SEPTIN10: variants seen among roughly 807,000 people sequenced by gnomAD.
The protein encoded by SEPTIN10 is septin-10.
SEPTIN10 carries 66 observed loss-of-function variants against 54.8 expected under a neutral mutation model. The ratio of observed to expected loss-of-function variants is 1.21; its 90% CI spans 0.99 to 1.48. SEPTIN10 has a LOEUF of 1.48. Ranked by LOEUF, SEPTIN10 falls within the 40% of genes most tolerant of loss-of-function variation. The pLI is 0.00. For synonymous variants in SEPTIN10, 161 were observed against 181.0 expected, an observed-to-expected ratio of 0.89 and a Z score of 0.89; for missense variants, 620 against 545.6, an observed-to-expected ratio of 1.14 and a Z score of -1.36.
At chr2:109,596,302 A>G (rs939691747) in intron 1 of SEPTIN10, among the ~76,000 whole-genome samples, 1 of 152,172 alleles carries the variant, frequency 6.6e-6, no homozygotes, top group Non-Finnish European at 1.5e-5. Flanking sequence ...GTTGATAAGT[A>G]AAATTTGCTT....
chr2:109,543,220 A>G lies in SEPTIN10; in HGVS notation c.*1089T>C, dbSNP rs1353873534. 3.3e-5 allele frequency: 5 copies of G among 152,750 alleles called. No individual in the cohort carries two copies. Among genetic ancestry groups the G allele is most frequent in the Non-Finnish European group, 7.4e-5 (5 of 68,012 alleles). 9.5% of individuals were successfully genotyped at this position (152,750 alleles called of 1,614,324 possible). On this transcript the variant is annotated 3_prime_UTR_variant, in exon 11 of 11. Coordinates refer to ENST00000397712, the MANE Select transcript of SEPTIN10 (RefSeq NM_144710.5). ...AGTTATTTTCTTAAAAAGTATTTTT[A>G]ATAAAATGATTCAACCTTATTATTT... is the stretch of plus-strand genomic sequence containing the variant.
At chr2:109,564,223 C>T (rs1045813134) in intron 8 of SEPTIN10, 143 bp downstream of exon 8, 9 of 706,526 alleles carry the variant, frequency 1.3e-5, no homozygotes, top group Non-Finnish European at 1.8e-5. Flanking sequence ...TCAAGAAGCA[C>T]AATAATTAGT....
At chr2:109,545,667 T>G in intron 10 of SEPTIN10, 1 of 1,476,780 alleles carries the variant, frequency 6.8e-7, no homozygotes, top group Non-Finnish European at 8.9e-7. Context: ...GGGCACAGCT[T>G]TATTTAGACA....
chr2:109,596,058 A>T (rs1013112442), intron 1 of SEPTIN10, among the ~76,000 whole-genome samples: 3 of 152,158 alleles, frequency 2.0e-5, no homozygotes, highest in Non-Finnish European at 2.9e-5. Flanking sequence ...TAGAGAAAAG[A>T]TCTCCCACTA....
intron 1 of SEPTIN10, among the ~76,000 whole-genome samples, chr2:109,598,564 C>T (rs993713326): frequency 1.5e-4 from 23 of 151,816 alleles, no homozygotes; most frequent in African/African-American, 5.1e-4. Context: ...ATCGGGAGGC[C>T]GGGCGTGGTG....
In SEPTIN10 at chr2:109,565,800, C is replaced by A. The variant is rs932204365; in HGVS notation, c.822G>T (p.Met274Ile). ...CCCAAGGGTACTGGCGAGCTTTGACCATCTTGTTTCCGACTTTTACCTCAT... is the reference window on the plus strand; with the variant it reads ...CCCAAGGGTACTGGCGAGCTTTGACAATCTTGTTTCCGACTTTTACCTCAT... ...SMDEVKVGNK[M>I]VKARQYPWGV... The change falls in exon 7 of 11, where the codon ATG becomes ATT. Residue 274 changes from methionine (M) to isoleucine (I), a missense_variant. Transcript: ENST00000397712. 8.1e-6 allele frequency: 13 copies of A among 1,613,948 alleles called. No individual in the cohort carries two copies. Among genetic ancestry groups the A allele is most frequent in the African/African-American group, 1.3e-5 (1 of 74,892 alleles).
chr2:109,553,264 G>A (rs775754256), intron 8 of SEPTIN10, 45 bp from the exon 9 acceptor site: 42 of 1,605,328 alleles, frequency 2.6e-5, no homozygotes, highest in Non-Finnish European at 3.4e-5. Flanking sequence ...AGTGATATAG[G>A]TCGGGTATGG....
chr2:109,607,983 A>G (rs2106313867), intron 1 of SEPTIN10, among the ~76,000 whole-genome samples: 1 of 152,350 alleles, frequency 6.6e-6, no homozygotes, highest in South Asian at 2.1e-4. Context: ...GAAAAGTTCA[A>G]TGTCTGTTTC....
intron 1 of SEPTIN10, among the ~76,000 whole-genome samples, chr2:109,608,174 G>C (rs988407301): frequency 6.6e-6 from 1 of 152,126 alleles, no homozygotes; most frequent in Non-Finnish European, 1.5e-5. Context: ...CTAATTTAGA[G>C]CTCAAGGCAA....
chr2:109,597,951 A>T (rs1165086368), intron 1 of SEPTIN10, among the ~76,000 whole-genome samples: 1 of 152,132 alleles, frequency 6.6e-6, no homozygotes, highest in Non-Finnish European at 1.5e-5. Flanking sequence ...CCTAGGTAAC[A>T]ATTTTCCTTA....
chr2:109,581,563 T>C (rs954436185), intron 4 of SEPTIN10, among the ~76,000 whole-genome samples: 1 of 151,374 alleles, frequency 6.6e-6, no homozygotes, highest in Admixed American at 6.6e-5. Flanking sequence ...CAGTGGCTCC[T>C]CTGGGGGAAG....
At chr2:109,602,680 TAAA>T (rs1180569816) in intron 1 of SEPTIN10, among the ~76,000 whole-genome samples, 5 of 95,064 alleles carry the variant, frequency 5.3e-5, no homozygotes, top group East Asian at 2.8e-4. Flanking sequence ...CATCTCAAAT[TAAA>T]AAAAAAAAAA....
At chr2:109,596,182 C>A (rs2106026947) in intron 1 of SEPTIN10, among the ~76,000 whole-genome samples, 1 of 152,242 alleles carries the variant, frequency 6.6e-6, no homozygotes, top group East Asian at 1.9e-4. Context: ...CAGGCATGCA[C>A]CACCACACCC....
chr2:109,568,086 A>C (rs956599395), intron 5 of SEPTIN10, 110 bp from the exon 6 acceptor site: 3 of 820,954 alleles, frequency 3.7e-6, no homozygotes, highest in Admixed American at 2.9e-5. Context: ...CCCTAAACCT[A>C]GATCGGGGGG....
chr2:109,607,473 C>G (rs548110642), intron 1 of SEPTIN10, among the ~76,000 whole-genome samples: 1 of 152,248 alleles, frequency 6.6e-6, no homozygotes, highest in East Asian at 1.9e-4. Context: ...GAAATCGGTT[C>G]TTGGGAGGAC....
chr2:109,606,051 A>G (rs978120273), intron 1 of SEPTIN10, among the ~76,000 whole-genome samples: 1 of 152,238 alleles, frequency 6.6e-6, no homozygotes, highest in African/African-American at 2.4e-5. Flanking sequence ...TTGTGCAAGG[A>G]TGTGTGAAAG....
At chr2:109,560,930 C>T (rs939209567) in intron 8 of SEPTIN10, among the ~76,000 whole-genome samples, 1 of 152,194 alleles carries the variant, frequency 6.6e-6, no homozygotes, top group Non-Finnish European at 1.5e-5. Flanking sequence ...TCATTGATCT[C>T]ACTTTAGTCA....
At chr2:109,574,531 TTAAAAA>T in intron 5 of SEPTIN10, 44 bp downstream of exon 5, 1 of 1,180,844 alleles carries the variant, frequency 8.5e-7, no homozygotes, top group South Asian at 2.7e-5. Context: ...ATTTTAACAG[TTAAAAA>T]TAAATATTAA....
chr2:109,546,825 C>T, intron 9 of SEPTIN10, among the ~76,000 whole-genome samples: 1 of 152,088 alleles, frequency 6.6e-6, no homozygotes. Context: ...TATAAAAATA[C>T]TCATCATAGT....
Sources: gnomAD v4.1 joint callset for allele counts (sites outside exome capture counted in the v4.1 genomes callset) on GRCh38, gnomAD v4.1.1 for gene constraint, MANE v1.5 for transcripts, NCBI Gene and HGNC (gene_info 2026-07-23, HGNC 2026-07-21) for gene names.